The following DOCK3 variants were observed in gnomAD, a reference collection of about 807,000 sequenced individuals.
DOCK3 encodes the protein dedicator of cytokinesis 3.
A neutral mutation model predicts 265.6 loss-of-function variants in DOCK3; 60 were observed. The ratio of observed to expected loss-of-function variants is 0.23; its 90% CI spans 0.18 to 0.28. The LOEUF (loss-of-function observed/expected upper bound fraction) is 0.28, where lower values mean the gene tolerates loss of function less well. Among genes scored for constraint, DOCK3 ranks in the 10% least tolerant of loss-of-function variants. The pLI is 1.00. For missense variants in DOCK3, 1,981 were observed against 2,594.3 expected, an observed-to-expected ratio of 0.76 and a Z score of 5.14; for synonymous variants, 881 against 938.0, an observed-to-expected ratio of 0.94 and a Z score of 1.11.
rs1052147474 is a variant in DOCK3 at position 51,156,834 on chromosome 3, G to A, written c.829-2410G>A. ...GGTACATTGGAGTCAGTGATTATAC[G>A]AGTCATTTGATAGTTTGGATGTACA... On this transcript the variant is annotated intron_variant, in intron 10 of 52. Transcript: ENST00000266037. Among the ~76,000 whole-genome samples the A allele has an allele frequency of 5.3e-5, 8 of 152,238 alleles. No homozygotes were observed. The South Asian group carries it at 1.2e-3, about 24-fold the overall frequency.
At chr3:51,289,847 AAAC>A (rs1560364098) in intron 27 of DOCK3, among the ~76,000 whole-genome samples, 1 of 152,226 alleles carries the variant, frequency 6.6e-6, no homozygotes, top group Non-Finnish European at 1.5e-5. Flanking sequence ...TACAAGAAAA[AAAC>A]AACCCCATCA....
At chr3:50,721,858 G>C (rs1454935902) in intron 1 of DOCK3, among the ~76,000 whole-genome samples, 2 of 152,054 alleles carry the variant, frequency 1.3e-5, no homozygotes, top group East Asian at 3.9e-4. Context: ...TGTCATCTTT[G>C]ATTTCTTTCA....
chr3:50,801,796 T>C (rs544737963), intron 2 of DOCK3, among the ~76,000 whole-genome samples: 11 of 152,188 alleles, frequency 7.2e-5, no homozygotes, highest in Admixed American at 3.9e-4. Context: ...GAGAGTGGAG[T>C]GTTGAAGTCC....
At chr3:51,104,554 A>G (rs6446011) in intron 9 of DOCK3, among the ~76,000 whole-genome samples, 137,164 of 152,208 alleles carry the variant, frequency 0.9, 62,000 homozygotes, top group African/African-American at 0.95. Flanking sequence ...GACCAGTGGC[A>G]GCAGTAAAAT....
intron 5 of DOCK3, among the ~76,000 whole-genome samples, chr3:51,048,862 C>CAA (rs762328354): frequency 1.0e-4 from 13 of 128,600 alleles, no homozygotes; most frequent in African/African-American, 2.5e-4. Flanking sequence ...GACTCCATCT[C>CAA]AAAAAAAAAA....
intron 32 of DOCK3, among the ~76,000 whole-genome samples, chr3:51,315,548 G>A (rs1254588844): frequency 6.6e-6 from 1 of 152,110 alleles, no homozygotes; most frequent in Non-Finnish European, 1.5e-5. Context: ...CTACTGCACA[G>A]AGGGGTTGGT....
chr3:51,096,797 G>C, intron 9 of DOCK3, among the ~76,000 whole-genome samples: 1 of 152,176 alleles, frequency 6.6e-6, no homozygotes, highest in East Asian at 1.9e-4. Flanking sequence ...TTTGATCTTT[G>C]ATGTTGGTGA....
chr3:51,270,753 A>G, intron 23 of DOCK3, 62 bp from the exon 24 acceptor site: 1 of 1,510,556 alleles, frequency 6.6e-7, no homozygotes, highest in East Asian at 2.3e-5. Flanking sequence ...TCATTGTCTG[A>G]GCATGAAAGA....
At chr3:51,338,106 A>T (rs1486040089) in intron 35 of DOCK3, among the ~76,000 whole-genome samples, 1 of 152,166 alleles carries the variant, frequency 6.6e-6, no homozygotes, top group Non-Finnish European at 1.5e-5. Flanking sequence ...TAATACCCTG[A>T]TGTAGCTCTG....
intron 1 of DOCK3, chr3:50,719,793 C>G: frequency 1.2e-6 from 1 of 842,558 alleles, no homozygotes; most frequent in Non-Finnish European, 2.1e-6. Context: ...ACTACCCTGA[C>G]ACATAAACTC....
At chr3:50,714,412 G>A (rs1019954137) in intron 1 of DOCK3, among the ~76,000 whole-genome samples, 4 of 152,168 alleles carry the variant, frequency 2.6e-5, no homozygotes, top group African/African-American at 9.7e-5. Flanking sequence ...AGTTTAAAAT[G>A]TGGCATATTC....
At chr3:50,733,193 G>A (rs1182952686) in intron 1 of DOCK3, among the ~76,000 whole-genome samples, 2 of 152,180 alleles carry the variant, frequency 1.3e-5, no homozygotes, top group South Asian at 2.1e-4. Context: ...AAAATCATAT[G>A]TATTCTAGTG....
intron 10 of DOCK3, among the ~76,000 whole-genome samples, chr3:51,154,762 G>A (rs112589455): frequency 0.012 from 1,892 of 152,056 alleles, 47 homozygotes; most frequent in African/African-American, 0.042. Flanking sequence ...ACTTAATTAG[G>A]GTGGCATTTG....
At position 51,270,849 on chromosome 3, in the gene DOCK3, A is replaced by G; in HGVS notation, c.2390A>G (p.Asp797Gly). ...CTCAATTCTTTCCCAACCATCTTTG[A>G]TGAGCTTCTGCAAATGTTCACCGTG... ...ALLNSFPTIF[D>G]ELLQMFTVQE... Residue 797 changes from aspartate to glycine, a missense_variant, in exon 24 of 53, where the codon GAT becomes GGT. Coordinates refer to ENST00000266037, the MANE Select transcript of DOCK3 (RefSeq NM_004947.5). The G allele has an allele frequency of 1.2e-6, 2 of 1,613,964 alleles. No individual in the cohort carries two copies. The highest frequency in any genetic ancestry group is 2.2e-5 in the East Asian group (1 of 44,878).
chr3:50,786,681 C>G, intron 2 of DOCK3: 1 of 636,842 alleles, frequency 1.6e-6, no homozygotes, highest in South Asian at 1.5e-5. Context: ...AATCTTTTGC[C>G]ACAGATTTCA....
intron 1 of DOCK3, among the ~76,000 whole-genome samples, chr3:50,753,506 A>ATTTG (rs754492419): frequency 1.5e-4 from 23 of 151,980 alleles, no homozygotes; most frequent in Non-Finnish European, 2.9e-5. Flanking sequence ...TGCTTGGATA[A>ATTTG]TTTGTTTGTT....
chr3:50,701,734 T>C (rs1438688878), intron 1 of DOCK3, among the ~76,000 whole-genome samples: 1 of 152,208 alleles, frequency 6.6e-6, no homozygotes, highest in Admixed American at 6.5e-5. Context: ...TTTGAGTTGA[T>C]TTTTGCGTAT....
At chr3:50,838,133 T>C (rs1396696971) in intron 2 of DOCK3, among the ~76,000 whole-genome samples, 1 of 152,228 alleles carries the variant, frequency 6.6e-6, no homozygotes, top group Non-Finnish European at 1.5e-5. Context: ...TCTGTGTTTC[T>C]TGCAATCATG....
At chr3:50,839,402 A>T (rs2045692636) in intron 2 of DOCK3, among the ~76,000 whole-genome samples, 1 of 152,176 alleles carries the variant, frequency 6.6e-6, no homozygotes, top group Non-Finnish European at 1.5e-5. Context: ...GTTTTGTTAG[A>T]AACTGCCAAA....
Sources: gnomAD v4.1 joint callset for allele counts (sites outside exome capture counted in the v4.1 genomes callset) on GRCh38, gnomAD v4.1.1 for gene constraint, MANE v1.5 for transcripts, NCBI Gene and HGNC (gene_info 2026-07-23, HGNC 2026-07-21) for gene names.